The following UBE2F variants were observed in gnomAD, a reference collection of about 807,000 sequenced individuals.
The protein encoded by UBE2F is NEDD8-conjugating enzyme UBE2F.
UBE2F carries 5 observed loss-of-function variants against 29.6 expected under a neutral mutation model. That is an observed-to-expected ratio of 0.17 (90% CI 0.09 to 0.36). UBE2F has a LOEUF of 0.36. Ranked by LOEUF, UBE2F falls within the 10% of genes least tolerant of loss-of-function variation. The probability of loss-of-function intolerance (pLI) is 1.00; values close to 1 mark genes in which losing one functional copy is unlikely to be tolerated. For missense variants in UBE2F, 141 were observed against 228.5 expected, an observed-to-expected ratio of 0.62 and a Z score of 2.47; for synonymous variants, 66 against 81.8, an observed-to-expected ratio of 0.81 and a Z score of 1.04.
Position 238,041,373 on chromosome 2 carries a change from T to G in UBE2F, c.*35T>G. On this transcript the variant is annotated 3_prime_UTR_variant, in exon 10 of 10. Transcript: ENST00000272930. ...ACGATTGCAGGCCCATGGACTGTGT[T>G]ACAGTTTGTCTCTAACATGAAACAG... 6.2e-7 allele frequency: 1 copy of G among 1,611,590 alleles called. No homozygotes were observed. The highest frequency in any genetic ancestry group is 8.5e-7 in the Non-Finnish European group (1 of 1,178,348).
rs1039553283 is a variant in UBE2F at position 238,037,797 on chromosome 2, G to A, written c.507+1857G>A. Among the ~76,000 whole-genome samples the A allele has an allele frequency of 2.6e-5, 4 of 152,226 alleles. No homozygotes were observed. In the East Asian group the frequency reaches 7.7e-4, roughly 29 times the overall value. On this transcript the variant is annotated intron_variant, in intron 9 of 9. Coordinates refer to ENST00000272930, the MANE Select transcript of UBE2F (RefSeq NM_080678.3). ...ATTTTTGTATTCTTAGTAGTAGAGAGGGGGTTTTACCATGTTGCCCATGCT... is the reference window on the plus strand; with the variant it reads ...ATTTTTGTATTCTTAGTAGTAGAGAAGGGGTTTTACCATGTTGCCCATGCT...
At chr2:238,014,292 A>G (rs1385536644) in intron 4 of UBE2F, among the ~76,000 whole-genome samples, 1 of 152,252 alleles carries the variant, frequency 6.6e-6, no homozygotes, top group Non-Finnish European at 1.5e-5. Context: ...TCAAAGAGGG[A>G]AAAAGAAGTA....
intron 1 of UBE2F, among the ~76,000 whole-genome samples, chr2:237,969,184 A>C (rs2063122144): frequency 6.6e-6 from 1 of 152,254 alleles, no homozygotes; most frequent in East Asian, 1.9e-4. Context: ...ACTTGAAGAT[A>C]GTAAACCAGC....
intron 8 of UBE2F, chr2:238,032,656 G>A (rs2064609749): frequency 5.7e-6 from 1 of 174,694 alleles, no homozygotes; most frequent in Non-Finnish European, 1.2e-5. Context: ...TGCTGGCTGG[G>A]CATGGTGGCT....
chr2:237,971,274 G>A lies in UBE2F; in HGVS notation c.-16-1818G>A, dbSNP rs145898760. On this transcript the variant is annotated intron_variant, in intron 1 of 9. Transcript: ENST00000272930. ...GAGTGGTATTGAAATAAAATGATAC[G>A]AAAGCAACAAAGGAAATTATGGAAA... Among the ~76,000 whole-genome samples the A allele has an allele frequency of 5.3e-5, 8 of 152,310 alleles. No homozygotes were observed. In the East Asian group the frequency reaches 9.6e-4, roughly 18 times the overall value.
chr2:238,031,499 G>T (rs185495533), intron 7 of UBE2F, among the ~76,000 whole-genome samples: 2 of 152,288 alleles, frequency 1.3e-5, no homozygotes, highest in Admixed American at 1.3e-4. Flanking sequence ...GGGATGGGTG[G>T]GTGGATGGAT....
Position 237,984,134 on chromosome 2 carries a change from C to T in UBE2F, c.119-3829C>T, listed in dbSNP as rs186604287. Among the ~76,000 whole-genome samples, 7 of 152,106 alleles carry T rather than the reference C, an allele frequency of 4.6e-5. No individual in the cohort carries two copies. In the South Asian group the frequency reaches 1.2e-3, roughly 27 times the overall value. On this transcript the variant is annotated intron_variant, in intron 2 of 9. Coordinates refer to ENST00000272930, the MANE Select transcript of UBE2F (RefSeq NM_080678.3). ...GTGGCTTTCTGGCACTCCCGCATCCCAGCACATCACCTCTGGGTGCCATCT... is the reference window on the plus strand; with the variant it reads ...GTGGCTTTCTGGCACTCCCGCATCCTAGCACATCACCTCTGGGTGCCATCT...
chr2:237,980,235 C>G (rs1483675037), intron 2 of UBE2F, among the ~76,000 whole-genome samples: 2 of 152,208 alleles, frequency 1.3e-5, no homozygotes, highest in African/African-American at 4.8e-5. Context: ...TGGCTTTTGC[C>G]AAGAGTCCTC....
At chr2:237,972,174 G>A (rs1187696462) in intron 1 of UBE2F, among the ~76,000 whole-genome samples, 1 of 152,208 alleles carries the variant, frequency 6.6e-6, no homozygotes, top group Non-Finnish European at 1.5e-5. Context: ...AAACACAAAT[G>A]TAAGTAAATG....
intron 4 of UBE2F, among the ~76,000 whole-genome samples, chr2:238,007,658 A>G (rs1220627759): frequency 6.6e-6 from 1 of 152,072 alleles, no homozygotes; most frequent in African/African-American, 2.4e-5. Flanking sequence ...TGGTCTGTTG[A>G]TAAGGTAAAT....
chr2:238,028,625 T>C (rs1428437966), intron 6 of UBE2F, among the ~76,000 whole-genome samples: 1 of 152,252 alleles, frequency 6.6e-6, no homozygotes, highest in Non-Finnish European at 1.5e-5. Flanking sequence ...AGTTTTCCTT[T>C]TTTCTTTTTA....
At position 238,041,777 on chromosome 2, in the gene UBE2F, G is replaced by A. The variant is rs1383774907; in HGVS notation, c.*439G>A. The A allele has an allele frequency of 1.9e-5, 3 of 155,690 alleles. No individual in the cohort carries two copies. The Admixed American group carries it at 1.9e-4, about 10-fold the overall frequency. 9.6% of individuals were successfully genotyped at this position (155,690 alleles called of 1,614,324 possible). A position where few individuals can be genotyped will look rare whatever the true frequency, so the allele number is the denominator to read the frequency against. ...AGATACCCGCTACAAACTGTGATTG[G>A]ATGCAAAATCTCTTAGCTTCTTTCA... On this transcript the variant is annotated 3_prime_UTR_variant, in exon 10 of 10. Transcript: ENST00000272930.
intron 6 of UBE2F, among the ~76,000 whole-genome samples, chr2:238,029,951 CT>C (rs36015072): frequency 0.49 from 66,493 of 135,212 alleles, 16,006 homozygotes; most frequent in African/African-American, 0.71. Context: ...TTCTTTCTTT[CT>C]TTTTTTTTTT....
intron 5 of UBE2F, among the ~76,000 whole-genome samples, chr2:238,023,746 A>G (rs951036936): frequency 6.6e-6 from 1 of 152,192 alleles, no homozygotes; most frequent in Non-Finnish European, 1.5e-5. Context: ...CATATTAACC[A>G]AGGGGACCTT....
chr2:238,034,534 G>T (rs1261235814), intron 8 of UBE2F, among the ~76,000 whole-genome samples: 1 of 152,092 alleles, frequency 6.6e-6, no homozygotes, highest in Non-Finnish European at 1.5e-5. Context: ...TGCTAATTAA[G>T]TCTGTAATGG....
chr2:238,004,441 C>G (rs997041927), intron 4 of UBE2F, among the ~76,000 whole-genome samples: 1 of 151,360 alleles, frequency 6.6e-6, no homozygotes, highest in Non-Finnish European at 1.5e-5. Flanking sequence ...TTTAAGAGTT[C>G]TTTACCATAG....
chr2:238,005,736 CTCTGT>C (rs2106368865), intron 4 of UBE2F, among the ~76,000 whole-genome samples: 1 of 152,076 alleles, frequency 6.6e-6, no homozygotes, highest in East Asian at 1.9e-4. Flanking sequence ...TGCTTCTGGA[CTCTGT>C]TCCATTCCAT....
intron 2 of UBE2F, among the ~76,000 whole-genome samples, chr2:237,984,142 CACCT>C (rs1264005138): frequency 6.6e-6 from 1 of 151,906 alleles, no homozygotes; most frequent in Non-Finnish European, 1.5e-5. Flanking sequence ...CCCAGCACAT[CACCT>C]CTGGGTGCCA....
chr2:238,041,930 A>G lies in UBE2F; in HGVS notation c.*592A>G, dbSNP rs1442883295. Reference sequence around the variant, plus strand: ...ATTTTGGAACAGATTTGTAATTTGTACAATTCAATGCTTTAATTATTTTTT... The same window carrying G: ...ATTTTGGAACAGATTTGTAATTTGTGCAATTCAATGCTTTAATTATTTTTT... On this transcript the variant is annotated 3_prime_UTR_variant, in exon 10 of 10. Coordinates refer to ENST00000272930, the MANE Select transcript of UBE2F (RefSeq NM_080678.3). The G allele has an allele frequency of 6.5e-6, 1 of 152,774 alleles. No homozygotes were observed. The highest frequency in any genetic ancestry group is 1.5e-5 in the Non-Finnish European group (1 of 68,102). The allele number at this position is 152,774 out of a possible 1,614,324, so 9.5% of individuals were successfully genotyped here.
Sources: allele counts gnomAD v4.1 joint callset (sites outside exome capture counted in the v4.1 genomes callset), GRCh38; gene constraint gnomAD v4.1.1; transcripts MANE v1.5; gene names NCBI Gene and HGNC (gene_info 2026-07-23, HGNC 2026-07-21).